Variants in SGCZ observed in about 807,000 individuals in gnomAD.
The protein encoded by SGCZ is sarcoglycan zeta.
Under a neutral mutation model 41.3 loss-of-function variants are expected in SGCZ, and 40 were observed. The ratio of observed to expected loss-of-function variants is 0.97; its 90% confidence interval spans 0.75 to 1.26. The LOEUF is 1.26. Among genes scored for constraint, SGCZ ranks in the 50% most tolerant of loss-of-function variants. The pLI is 0.00. For missense variants in SGCZ, 552 were observed against 369.8 expected, an observed-to-expected ratio of 1.49 and a Z score of -4.04; for synonymous variants, 206 against 137.5, an observed-to-expected ratio of 1.50 and a Z score of -3.49.
At chr8:15,192,020 T>C (rs1326791519) in intron 1 of SGCZ, among the ~76,000 whole-genome samples, 1 of 152,094 alleles carries the variant, frequency 6.6e-6, no homozygotes, top group East Asian at 1.9e-4. Flanking sequence ...GGGAATGTGG[T>C]GAAGATTAAA....
intron 2 of SGCZ, among the ~76,000 whole-genome samples, chr8:14,426,871 T>A (rs2117322984): frequency 6.6e-6 from 1 of 152,278 alleles, no homozygotes; most frequent in African/African-American, 2.4e-5. Context: ...GGAAAAAATG[T>A]CTAAGATCAA....
chr8:14,484,885 A>T (rs1531423), intron 2 of SGCZ, among the ~76,000 whole-genome samples: 152,173 of 152,300 alleles, frequency 1, 76,023 homozygotes, highest in Non-Finnish European at 1. Context: ...TAATAAGATA[A>T]ATTAAATGCT....
At chr8:14,560,524 C>A (rs551463104) in intron 1 of SGCZ, among the ~76,000 whole-genome samples, 1 of 152,052 alleles carries the variant, frequency 6.6e-6, no homozygotes, top group Admixed American at 6.6e-5. Context: ...AGACCTTCCC[C>A]TTGTAGAGTT....
intron 2 of SGCZ, among the ~76,000 whole-genome samples, chr8:14,340,327 G>C (rs572235935): frequency 1.3e-5 from 2 of 152,132 alleles, no homozygotes; most frequent in South Asian, 4.1e-4. Flanking sequence ...ACCATACTCT[G>C]GTTAGTTATG....
intron 1 of SGCZ, among the ~76,000 whole-genome samples, chr8:15,159,133 G>A (rs1295179326): frequency 6.6e-6 from 1 of 152,142 alleles, no homozygotes; most frequent in Non-Finnish European, 1.5e-5. Flanking sequence ...AATGGCCAAT[G>A]ATTTAATCAG....
chr8:15,193,802 A>T lies in SGCZ; in HGVS notation c.39+43783T>A, dbSNP rs150979286. Among the ~76,000 whole-genome samples, 395 of 152,292 alleles carry T rather than the reference A, an allele frequency of 2.6e-3. 1 individual carries two copies. Among genetic ancestry groups the T allele is most frequent in the African/African-American group, 8.9e-3 (371 of 41,570 alleles). On this transcript the variant is annotated intron_variant, in intron 1 of 7. Transcript: ENST00000382080. ...GGGTGGTACCATTAGGCTTTACGTA[A>T]TCAATAATTTAGCCAAAGCAGAGAA...
intron 4 of SGCZ, among the ~76,000 whole-genome samples, chr8:14,224,433 A>G (rs532871401): frequency 6.6e-6 from 1 of 152,294 alleles, no homozygotes; most frequent in African/African-American, 2.4e-5. Flanking sequence ...GGTGAAAGGG[A>G]TGCAGCAGTG....
intron 1 of SGCZ, among the ~76,000 whole-genome samples, chr8:15,022,329 CT>C (rs932858118): frequency 5.3e-5 from 8 of 151,886 alleles, no homozygotes; most frequent in Middle Eastern, 3.4e-3. Context: ...GAAATGATAT[CT>C]TTTTTTTAAT....
intron 2 of SGCZ, among the ~76,000 whole-genome samples, chr8:14,366,542 C>T (rs1382314878): frequency 6.6e-6 from 1 of 151,984 alleles, no homozygotes; most frequent in African/African-American, 2.4e-5. Context: ...CACCCCTGGC[C>T]CCTCCTAGAT....
chr8:14,665,396 T>C (rs1807878440), intron 1 of SGCZ, among the ~76,000 whole-genome samples: 1 of 152,216 alleles, frequency 6.6e-6, no homozygotes, highest in Non-Finnish European at 1.5e-5. Flanking sequence ...CCACATCGTC[T>C]TAATCCAGTC....
chr8:14,758,827 G>T (rs1040811749), intron 1 of SGCZ, among the ~76,000 whole-genome samples: 8 of 152,048 alleles, frequency 5.3e-5, no homozygotes, highest in Non-Finnish European at 1.0e-4. Flanking sequence ...TGATCAACAT[G>T]AAGAAACCCT....
At chr8:15,205,670 T>C (rs2117145605) in intron 1 of SGCZ, among the ~76,000 whole-genome samples, 1 of 152,256 alleles carries the variant, frequency 6.6e-6, no homozygotes, top group East Asian at 1.9e-4. Flanking sequence ...GGTGGGAATG[T>C]AAATTAGTTC....
intron 2 of SGCZ, among the ~76,000 whole-genome samples, chr8:14,440,732 TATATATGTATATAC>T (rs2117367301): frequency 1.2e-5 from 1 of 84,102 alleles, no homozygotes; most frequent in South Asian, 2.9e-4. Context: ...CACGTATATG[TATATATGTATATAC>T]ATACGTATAC....
At chr8:14,746,335 T>C (rs994869272) in intron 1 of SGCZ, among the ~76,000 whole-genome samples, 11 of 152,042 alleles carry the variant, frequency 7.2e-5, no homozygotes, top group Non-Finnish European at 1.0e-4. Context: ...GTCTTTACTT[T>C]TTCATAATAT....
intron 4 of SGCZ, among the ~76,000 whole-genome samples, chr8:14,180,574 T>TAAAAACCG: frequency 6.6e-6 from 1 of 152,192 alleles, no homozygotes; most frequent in South Asian, 2.1e-4. Context: ...AATGACCTGT[T>TAAAAACCG]AAAAACCGAA....
intron 1 of SGCZ, among the ~76,000 whole-genome samples, chr8:14,784,170 C>T (rs2130444869): frequency 1.3e-5 from 2 of 151,982 alleles, no homozygotes; most frequent in Middle Eastern, 6.8e-3. Context: ...CTTCTCTCAG[C>T]CTCCCTAGTA....
At chr8:14,969,146 T>C (rs909842197) in intron 1 of SGCZ, among the ~76,000 whole-genome samples, 5 of 152,126 alleles carry the variant, frequency 3.3e-5, no homozygotes, top group Non-Finnish European at 5.9e-5. Flanking sequence ...CTGTCCTCTT[T>C]CAAATAAAAA....
rs974693276 is a variant in SGCZ, at chr8:14,085,165, A to G, written c.*5278T>C. ...AGAAAAAGTGATTTTACATAAAGCA[A>G]GATAGAGTACAAAAGCACAGCTTTT... On this transcript the variant is annotated 3_prime_UTR_variant, in exon 8 of 8. Transcript: ENST00000382080. 1.3e-5 allele frequency among the ~76,000 whole-genome samples: 2 copies of G among 151,812 alleles called. No homozygotes were observed. Among genetic ancestry groups the G allele is most frequent in the Non-Finnish European group, 2.9e-5 (2 of 67,818 alleles).
At chr8:14,714,237 G>C (rs1449046367) in intron 1 of SGCZ, among the ~76,000 whole-genome samples, 1 of 152,080 alleles carries the variant, frequency 6.6e-6, no homozygotes, top group East Asian at 1.9e-4. Context: ...AAAGTACTAA[G>C]ATTACAGGCA....
Sources: gnomAD v4.1 joint callset for allele counts (sites outside exome capture counted in the v4.1 genomes callset) on GRCh38, gnomAD v4.1.1 for gene constraint, MANE v1.5 for transcripts, NCBI Gene and HGNC (gene_info 2026-07-23, HGNC 2026-07-21) for gene names.